Variants in DLST observed in about 807,000 individuals in gnomAD.
The protein encoded by DLST is dihydrolipoamide S-succinyltransferase.
Under a neutral mutation model 53.1 loss-of-function variants are expected in DLST, and 17 were observed. The observed-to-expected ratio is 0.32, with a 90% CI of 0.22 to 0.48. The LOEUF is 0.48. Among genes scored for constraint, DLST ranks in the 20% least tolerant of loss-of-function variants. DLST has a pLI of 0.99. For missense variants in DLST, 512 were observed against 583.9 expected (o/e 0.88, Z 1.27); for synonymous variants, 206 against 204.8 (o/e 1.01, Z -0.05).
At chr14:74,899,845 T>C in intron 11 of DLST, 78 bp from the exon 12 acceptor site, 4 of 1,146,006 alleles carry the variant, frequency 3.5e-6, no homozygotes, top group Non-Finnish European at 3.9e-6. Flanking sequence ...AGATTTTTAC[T>C]CTGTTAATGC....
At chr14:74,882,276 G>T (rs1883547723) in intron 1 of DLST, among the ~76,000 whole-genome samples, 1 of 152,336 alleles carries the variant, frequency 6.6e-6, no homozygotes, top group East Asian at 1.9e-4. Flanking sequence ...GGGAGCTGGG[G>T]AGCCGCGCCC....
chr14:74,889,064 TA>T (rs57898381), intron 3 of DLST, 30 bp from the exon 4 acceptor site: 907,602 of 1,612,200 alleles, frequency 0.56, 262,920 homozygotes, highest in African/African-American at 0.92. Flanking sequence ...GTTCGCCTGT[TA>T]AAAGGAGTTA....
chr14:74,895,633 C>T (rs1884053276), intron 10 of DLST, among the ~76,000 whole-genome samples: 1 of 152,056 alleles, frequency 6.6e-6, no homozygotes, highest in Non-Finnish European at 1.5e-5. Flanking sequence ...GGTGCGGTGG[C>T]TTGCGCTTGT....
chr14:74,881,979 C>A lies in DLST; in HGVS notation c.26C>A (p.Ser9Tyr). Residue 9 changes from serine (S) to tyrosine (Y), a missense_variant, in exon 1 of 15, where the codon TCT (serine) becomes TAT (tyrosine). Around this residue, in one of 4 missense-constraint regions of DLST, gnomAD observed 129 missense variants for 90.9 expected, o/e 1.42. Coordinates refer to ENST00000334220, the MANE Select transcript of DLST (RefSeq NM_001933.5). Reference sequence around the variant, plus strand: ...ATGCTGTCCCGATCCCGCTGTGTGTCTCGGGCGTTCAGCCGCTCGCTCTCC... The same window carrying A: ...ATGCTGTCCCGATCCCGCTGTGTGTATCGGGCGTTCAGCCGCTCGCTCTCC... The part of the protein sequence containing the change: MLSRSRCV[S>Y]RAFSRSLSAF... 6.4e-7 allele frequency: 1 copy of A among 1,572,226 alleles called. No homozygotes were observed. The highest frequency in any genetic ancestry group is 1.1e-5 in the South Asian group (1 of 87,416).
chr14:74,893,214 TG>T lies in DLST; in HGVS notation c.596-133del, dbSNP rs1381323494. 119 of 1,111,980 alleles carry T rather than the reference TG, an allele frequency of 1.1e-4. No homozygotes were observed. The East Asian group carries it at 2.8e-3, about 26-fold the overall frequency. The allele number at this position is 1,111,980 out of a possible 1,614,324, so 68.9% of individuals were successfully genotyped here. A position where few individuals can be genotyped will look rare whatever the true frequency, so the allele number is the denominator to read the frequency against. ...TTTATCTGAACAGATTGTTCATCTG[TG>T]AAGTTGGAGTGATACTAATATACCT... On this transcript the variant is annotated intron_variant, in intron 8 of 14. Transcript: ENST00000334220.
intron 8 of DLST, 60 bp from the exon 9 acceptor site, chr14:74,893,288 C>T: frequency 6.3e-7 from 1 of 1,592,314 alleles, no homozygotes; most frequent in Non-Finnish European, 8.6e-7. Flanking sequence ...AGCACTGGCA[C>T]AAACTCAGCA....
Position 74,892,923 on chromosome 14 carries a change from G to C in DLST, c.532G>C (p.Ala178Pro). The change falls in exon 8 of 15, where the codon GCA becomes CCA. Residue 178 changes from alanine to proline, a missense_variant. By Grantham distance (27) the Ala-to-Pro change is conservative. Coordinates refer to ENST00000334220, the MANE Select transcript of DLST (RefSeq NM_001933.5). The part of the protein sequence containing the change: ...PTAAAVPPPA[A>P]PIPTQMPPVP... ...AGCAGCGGCAGTTCCTCCCCCTGCA[G>C]CACCCATACCCACTCAGATGCCACC... 6.2e-7 allele frequency: 1 copy of C among 1,614,122 alleles called. No homozygotes were observed.
At chr14:74,884,353 C>T (rs1490058997) in intron 2 of DLST, among the ~76,000 whole-genome samples, 2 of 152,130 alleles carry the variant, frequency 1.3e-5, no homozygotes, top group Non-Finnish European at 2.9e-5. Flanking sequence ...CAAGTGGGAA[C>T]CCTGAACAAT....
Position 74,900,375 on chromosome 14 carries a change from A to G in DLST, c.1059+3A>G. 10 of 1,613,086 alleles carry G rather than the reference A, an allele frequency of 6.2e-6. No homozygotes were observed. The highest frequency in any genetic ancestry group is 8.5e-6 in the Non-Finnish European group (10 of 1,179,160). On this transcript the variant is annotated splice_donor_region_variant and intron_variant, in intron 13 of 14. Transcript: ENST00000334220. Reference sequence around the variant, plus strand: ...CCATCACTGAACTGGGAGAGAAGGTAAAGTAGAAAGATGTATACAAGCTGC... The same window carrying G: ...CCATCACTGAACTGGGAGAGAAGGTGAAGTAGAAAGATGTATACAAGCTGC...
chr14:74,889,899 G>A lies in DLST; in HGVS notation c.277G>A (p.Val93Ile). The part of the protein sequence containing the change: ...TEGDVRWEKA[V>I]GDTVAEDEVV... Reference sequence around the variant, plus strand: ...GTAGCCTTTGATTGTCTTTTCAGCTGTTGGAGACACAGTTGCAGAAGATGA... The same window carrying A: ...GTAGCCTTTGATTGTCTTTTCAGCTATTGGAGACACAGTTGCAGAAGATGA... Residue 93 changes from valine (V) to isoleucine (I), a missense_variant and splice_region_variant, in exon 6 of 15, where the codon GTT (valine) becomes ATT (isoleucine). Around this residue, in one of 4 missense-constraint regions of DLST, gnomAD observed 35 missense variants for 70.5 expected, o/e 0.50. Transcript: ENST00000334220. The A allele has an allele frequency of 6.2e-7, 1 of 1,613,956 alleles. No homozygotes were observed. The highest frequency in any genetic ancestry group is 8.5e-7 in the Non-Finnish European group (1 of 1,179,950).
chr14:74,889,636 G>C (rs1481925348), intron 5 of DLST: 16 of 548,380 alleles, frequency 2.9e-5, no homozygotes, highest in Admixed American at 1.7e-4. Flanking sequence ...CTGCCACAAA[G>C]TGTTGGGATT....
intron 9 of DLST, 40 bp downstream of exon 9, chr14:74,893,464 G>C (rs773676394): frequency 1.2e-6 from 2 of 1,609,510 alleles, no homozygotes; most frequent in Admixed American, 1.7e-5. Context: ...GAGGCAGGGG[G>C]CAGTGTTGAG....
chr14:74,890,959 T>G, intron 6 of DLST, 97 bp from the exon 7 acceptor site: 62 of 1,474,116 alleles, frequency 4.2e-5, no homozygotes, highest in Non-Finnish European at 5.0e-5. Flanking sequence ...ACTACAGGCA[T>G]GAGCCACTGT....
intron 2 of DLST, 21 bp from the exon 3 acceptor site, chr14:74,885,565 G>A: frequency 6.2e-7 from 1 of 1,613,892 alleles, no homozygotes; most frequent in Non-Finnish European, 8.5e-7. Flanking sequence ...TGTTGGTTAA[G>A]AGTTATTTTG....
At chr14:74,882,769 A>C in intron 2 of DLST, 145 bp downstream of exon 2, 1 of 742,212 alleles carries the variant, frequency 1.3e-6, no homozygotes. Context: ...CATAATCACG[A>C]GCTATCGCTT....
chr14:74,889,114 A>G lies in DLST; in HGVS notation c.166A>G (p.Ser56Gly), dbSNP rs955919358. 5.0e-6 allele frequency: 8 copies of G among 1,614,208 alleles called. No homozygotes were observed. The highest frequency in any genetic ancestry group is 6.8e-6 in the Non-Finnish European group (8 of 1,180,042). Residue 56 changes from serine to glycine, a missense_variant, in exon 4 of 15, where the codon AGT (serine) becomes GGT (glycine). By Grantham distance (56) the Ser-to-Gly change is moderately conservative. This residue lies in a region of DLST where 129 missense variants were observed against 90.9 expected (regional missense o/e 1.42). Coordinates refer to ENST00000334220, the MANE Select transcript of DLST (RefSeq NM_001933.5). ...TTGTAGCATTAACAACAGTGTCTTC[A>G]GTGTTCGCTTTTTCAGAACTACAGC... is the stretch of plus-strand genomic sequence containing the variant. ...RKVVINNSVF[S>G]VRFFRTTAVC...
At chr14:74,898,817 C>T (rs1884153568) in intron 11 of DLST, among the ~76,000 whole-genome samples, 2 of 151,846 alleles carry the variant, frequency 1.3e-5, no homozygotes, top group Admixed American at 1.3e-4. Flanking sequence ...GGCTTCCTCC[C>T]CTCCCCCAGC....
At chr14:74,882,042 C>A in intron 1 of DLST, 26 bp downstream of exon 1, 1 of 1,529,262 alleles carries the variant, frequency 6.5e-7, no homozygotes, top group East Asian at 2.6e-5. Context: ...GCCGGGGCCC[C>A]GACGGGTGAG....
rs768995294 is a variant in DLST, at chr14:74,898,419, A to G, written c.821A>G (p.His274Arg). ...ARHKEAFLKK[H>R]NLKLGFMSAF... ...CACAAAGAGGCTTTTTTGAAGAAAC[A>G]TAACCTCAAACTAGGCTTCATGTCG... Residue 274 changes from histidine (H) to arginine (R), a missense_variant, in exon 11 of 15, where the codon CAT becomes CGT. Transcript: ENST00000334220. 2 of 1,613,492 alleles carry G rather than the reference A, an allele frequency of 1.2e-6. No homozygotes were observed. Among genetic ancestry groups the G allele is most frequent in the Non-Finnish European group, 1.7e-6 (2 of 1,180,040 alleles).
Sources: gnomAD v4.1 joint callset for allele counts (sites outside exome capture counted in the v4.1 genomes callset) on GRCh38, gnomAD v4.1.1 for gene constraint, gnomAD v4.1.1 regional missense constraint, MANE v1.5 for transcripts, NCBI Gene and HGNC (gene_info 2026-07-23, HGNC 2026-07-21) for gene names.